RAB21: variants seen among roughly 807,000 people sequenced by gnomAD.
RAB21 encodes the protein ras-related protein Rab-21.
In RAB21, 13 loss-of-function variants were observed where a neutral mutation model predicts 33.1. The observed-to-expected ratio is 0.39, with a 90% CI of 0.26 to 0.62. The LOEUF (loss-of-function observed/expected upper bound fraction) is 0.62, where lower values mean the gene tolerates loss of function less well. Ranked by LOEUF, RAB21 falls within the 20% of genes least tolerant of loss-of-function variation. RAB21 has a pLI of 0.48. For missense variants in RAB21, 234 were observed against 279.1 expected, an observed-to-expected ratio of 0.84 and a Z score of 1.15; for synonymous variants, 91 against 103.7, an observed-to-expected ratio of 0.88 and a Z score of 0.74.
intron 2 of RAB21, among the ~76,000 whole-genome samples, chr12:71,770,236 C>A (rs1410345883): frequency 6.6e-6 from 1 of 152,088 alleles, no homozygotes; most frequent in Non-Finnish European, 1.5e-5. Context: ...CCTGTCTCTC[C>A]CAGTGTGGGA....
chr12:71,796,487 G>A lies in RAB21; in HGVS notation c.*10814G>A, dbSNP rs879334992. ...TTCTGATTTTCTGTAATATTAGGAT[G>A]GACATGTGTCTGGCTTATCCTTCCT... is the stretch of plus-strand genomic sequence containing the variant. On this transcript the variant is annotated 3_prime_UTR_variant, in exon 7 of 7. Coordinates refer to ENST00000261263, the MANE Select transcript of RAB21 (RefSeq NM_014999.4). 7.3e-6 allele frequency: 1 copy of A among 137,540 alleles called. No homozygotes were observed. Among genetic ancestry groups the A allele is most frequent in the Non-Finnish European group, 1.5e-5 (1 of 65,932 alleles). The allele number at this position is 137,540 out of a possible 1,614,324, so 8.5% of individuals were successfully genotyped here.
intron 1 of RAB21, among the ~76,000 whole-genome samples, chr12:71,756,622 T>TA (rs1019307914): frequency 6.6e-6 from 1 of 152,218 alleles, no homozygotes; most frequent in African/African-American, 2.4e-5. Context: ...ACTGCATTTT[T>TA]AAAAAATCCT....
In RAB21 at chr12:71,794,421, ATATATATTTTTT is replaced by A. The variant is rs1218298524; in HGVS notation, c.*8750_*8761del. On this transcript the variant is annotated 3_prime_UTR_variant, in exon 7 of 7. Coordinates refer to ENST00000261263, the MANE Select transcript of RAB21 (RefSeq NM_014999.4). ...ATATATATATTATATATATATATAT[ATATATATTTTTT>A]TTTTTTTTTTTTTTTTTTTTTTTGA... 2 of 53,114 alleles carry A rather than the reference ATATATATTTTTT, an allele frequency of 3.8e-5. No individual in the cohort carries two copies. Among genetic ancestry groups the A allele is most frequent in the African/African-American group, 2.2e-4 (2 of 9,302 alleles). The allele number at this position is 53,114 out of a possible 1,614,324, so 3.3% of individuals were successfully genotyped here.
At position 71,799,031 on chromosome 12, in the gene RAB21, C is replaced by G. The variant is rs1410936879; in HGVS notation, c.*13358C>G. On this transcript the variant is annotated 3_prime_UTR_variant, in exon 7 of 7. Coordinates refer to ENST00000261263, the MANE Select transcript of RAB21 (RefSeq NM_014999.4). ...TGTTACGAGGTAGTGAAAAACGTTT[C>G]CATGCAGCAGTGATCAAGTGTCTAT... The G allele has an allele frequency of 6.6e-6, 1 of 152,294 alleles. No homozygotes were observed. The highest frequency in any genetic ancestry group is 2.4e-5 in the African/African-American group (1 of 41,450). The allele number at this position is 152,294 out of a possible 1,614,324, so 9.4% of individuals were successfully genotyped here.
rs758392357 is a variant in RAB21, at chr12:71,785,618, TTGA to T, written c.630_632del (p.Asp210del). On this transcript the variant is annotated inframe_deletion, in exon 7 of 7. Coordinates refer to ENST00000261263, the MANE Select transcript of RAB21 (RefSeq NM_014999.4). The stretch of plus-strand genomic sequence containing the variant: ...ACTGCAAGGCGAGGTGTACAGATTA[TTGA>T]TGATGAACCTCAAGCCCAGACCAGT... 2 of 1,614,180 alleles carry T rather than the reference TTGA, an allele frequency of 1.2e-6. No individual in the cohort carries two copies. Among genetic ancestry groups the T allele is most frequent in the South Asian group, 2.2e-5 (2 of 91,080 alleles).
At chr12:71,764,407 AAAAG>A (rs1258353667) in intron 1 of RAB21, among the ~76,000 whole-genome samples, 2 of 152,216 alleles carry the variant, frequency 1.3e-5, no homozygotes, top group African/African-American at 2.4e-5. Flanking sequence ...AGGTGGTTAA[AAAAG>A]AAAAGACAAA....
chr12:71,767,889 T>C (rs773587521), intron 1 of RAB21, among the ~76,000 whole-genome samples: 1 of 152,138 alleles, frequency 6.6e-6, no homozygotes, highest in Non-Finnish European at 1.5e-5. Context: ...CCATGTGGCA[T>C]TGATATTGAA....
At chr12:71,772,784 T>A (rs1355829010) in intron 3 of RAB21, among the ~76,000 whole-genome samples, 1 of 152,188 alleles carries the variant, frequency 6.6e-6, no homozygotes. Flanking sequence ...TGTACATATA[T>A]GTGAATGAAA....
At chr12:71,758,410 G>A (rs1458121033) in intron 1 of RAB21, among the ~76,000 whole-genome samples, 2 of 152,116 alleles carry the variant, frequency 1.3e-5, no homozygotes, top group Non-Finnish European at 2.9e-5. Context: ...CCTTCTGATA[G>A]TTGAAGATAG....
At chr12:71,757,182 C>A (rs1882797831) in intron 1 of RAB21, among the ~76,000 whole-genome samples, 1 of 152,150 alleles carries the variant, frequency 6.6e-6, no homozygotes, top group Admixed American at 6.5e-5. Context: ...AATTTCCACT[C>A]ACTGCAACCT....
rs1031632551 is a variant in RAB21, at chr12:71,790,792, A to T, written c.*5119A>T. 2.0e-5 allele frequency: 3 copies of T among 151,646 alleles called. No individual in the cohort carries two copies. The highest frequency in any genetic ancestry group is 4.8e-5 in the African/African-American group (2 of 41,298). 9.4% of individuals were successfully genotyped at this position (151,646 alleles called of 1,614,324 possible). A position where few individuals can be genotyped will look rare whatever the true frequency, so the allele number is the denominator to read the frequency against. ...TTGCCATTTGCCTTTTCTCTTGCCA[A>T]CGTGTCTAGGAGCTCTTTGGTAAAT... On this transcript the variant is annotated 3_prime_UTR_variant, in exon 7 of 7. Transcript: ENST00000261263.
In RAB21 at chr12:71,788,504, A is replaced by C. The variant is rs974979215; in HGVS notation, c.*2831A>C. ...AGAGGACCAGTCAACTTCAGTATATATACAAAGGAAAGACAAAGAGATGAT... is the reference window on the plus strand; with the variant it reads ...AGAGGACCAGTCAACTTCAGTATATCTACAAAGGAAAGACAAAGAGATGAT... On this transcript the variant is annotated 3_prime_UTR_variant, in exon 7 of 7. Coordinates refer to ENST00000261263, the MANE Select transcript of RAB21 (RefSeq NM_014999.4). The C allele has an allele frequency of 3.3e-5, 5 of 152,166 alleles. No homozygotes were observed. The highest frequency in any genetic ancestry group is 7.4e-5 in the Non-Finnish European group (5 of 68,022). 9.4% of individuals were successfully genotyped at this position (152,166 alleles called of 1,614,324 possible). A position where few individuals can be genotyped will look rare whatever the true frequency, so the allele number is the denominator to read the frequency against.
At chr12:71,774,291 C>CAAAAA (rs143403147) in intron 4 of RAB21, 1 of 27,638 alleles carries the variant, frequency 3.6e-5, no homozygotes, top group Non-Finnish European at 6.1e-5. Flanking sequence ...TCTAAAAATA[C>CAAAAA]AAAAAAAAAA....
intron 6 of RAB21, among the ~76,000 whole-genome samples, chr12:71,783,679 A>G (rs1415153291): frequency 6.6e-6 from 1 of 152,180 alleles, no homozygotes. Context: ...CAAACGCTTC[A>G]TATGATTCCA....
intron 4 of RAB21, among the ~76,000 whole-genome samples, chr12:71,776,024 A>G (rs1233800456): frequency 6.6e-6 from 1 of 152,188 alleles, no homozygotes; most frequent in Non-Finnish European, 1.5e-5. Flanking sequence ...GTAGTAGGCT[A>G]CTTGGAGATT....
intron 1 of RAB21, 21 bp downstream of exon 1, chr12:71,755,309 G>A (rs1328277554): frequency 1.3e-6 from 2 of 1,496,754 alleles, no homozygotes; most frequent in Non-Finnish European, 1.8e-6. Context: ...CGGGGAGCGG[G>A]AGGGGGCGCC....
At chr12:71,761,709 A>T (rs940935555) in intron 1 of RAB21, among the ~76,000 whole-genome samples, 4 of 152,254 alleles carry the variant, frequency 2.6e-5, no homozygotes, top group East Asian at 1.9e-4. Flanking sequence ...AAATAAATTT[A>T]AAAAATAGAA....
chr12:71,778,149 T>C (rs1326465650), intron 4 of RAB21, among the ~76,000 whole-genome samples: 1 of 152,182 alleles, frequency 6.6e-6, no homozygotes, highest in East Asian at 1.9e-4. Flanking sequence ...ACCTCCTAGA[T>C]CCTTATCTAA....
chr12:71,794,427 A>ATTT lies in RAB21; in HGVS notation c.*8781_*8783dup, dbSNP rs71068802. On this transcript the variant is annotated 3_prime_UTR_variant, in exon 7 of 7. Transcript: ENST00000261263. ...ATATTATATATATATATATATATAT[A>ATTT]TTTTTTTTTTTTTTTTTTTTTTTTT... is the stretch of plus-strand genomic sequence containing the variant. 6.1e-4 allele frequency: 17 copies of ATTT among 27,968 alleles called. No homozygotes were observed. The highest frequency in any genetic ancestry group is 1.1e-3 in the East Asian group (1 of 902). 1.7% of individuals were successfully genotyped at this position (27,968 alleles called of 1,614,324 possible). A position where few individuals can be genotyped will look rare whatever the true frequency, so the allele number is the denominator to read the frequency against.
Sources: allele counts gnomAD v4.1 joint callset (sites outside exome capture counted in the v4.1 genomes callset), GRCh38; gene constraint gnomAD v4.1.1; transcripts MANE v1.5; gene names NCBI Gene and HGNC (gene_info 2026-07-23, HGNC 2026-07-21).